KATNBL1: variants seen among roughly 807,000 people sequenced by gnomAD.
KATNBL1 encodes the protein katanin regulatory subunit B1 like 1.
KATNBL1 carries 28 observed loss-of-function variants against 44.7 expected under a neutral mutation model. The ratio of observed to expected loss-of-function variants is 0.63; its 90% CI spans 0.46 to 0.86. The LOEUF (loss-of-function observed/expected upper bound fraction) is 0.86, where lower values mean the gene tolerates loss of function less well. Ranked by LOEUF, KATNBL1 falls within the 40% of genes least tolerant of loss-of-function variation. KATNBL1 has a pLI of 0.00. For synonymous variants in KATNBL1, 78 were observed against 114.9 expected (o/e 0.68, Z 2.06); for missense variants, 272 against 350.7 (o/e 0.78, Z 1.79).
chr15:34,166,300 G>A (rs186115348), intron 1 of KATNBL1, among the ~76,000 whole-genome samples: 3 of 152,320 alleles, frequency 2.0e-5, no homozygotes, highest in Admixed American at 1.3e-4. Context: ...TGCCTGGCTC[G>A]GCAGGTCCCA....
chr15:34,191,940 T>C (rs1364292999), intron 1 of KATNBL1, among the ~76,000 whole-genome samples: 2 of 121,714 alleles, frequency 1.6e-5, no homozygotes, highest in Non-Finnish European at 3.2e-5. Flanking sequence ...GAGCACACAG[T>C]GAGACTCCAT....
chr15:34,205,271 C>A (rs1595370633), intron 1 of KATNBL1, among the ~76,000 whole-genome samples: 2 of 152,322 alleles, frequency 1.3e-5, no homozygotes, highest in East Asian at 3.9e-4. Flanking sequence ...GGATTACAGG[C>A]ATGAGCCACT....
intron 2 of KATNBL1, among the ~76,000 whole-genome samples, chr15:34,160,241 C>T (rs758194232): frequency 8.5e-5 from 13 of 152,146 alleles, no homozygotes; most frequent in African/African-American, 1.2e-4. Flanking sequence ...GCCTGGAGAG[C>T]GGGGGTCTAG....
chr15:34,149,016 G>C (rs1220428312), intron 4 of KATNBL1, among the ~76,000 whole-genome samples: 2 of 152,028 alleles, frequency 1.3e-5, no homozygotes, highest in African/African-American at 4.8e-5. Flanking sequence ...TATAAACTAG[G>C]ACTTAATTTA....
At position 34,141,255 on chromosome 15, in the gene KATNBL1, A is replaced by G. The variant is rs2140888688; in HGVS notation, c.*1084T>C. The G allele has an allele frequency of 6.5e-6, 1 of 152,750 alleles. No homozygotes were observed. Among genetic ancestry groups the G allele is most frequent in the East Asian group, 1.9e-4 (1 of 5,180 alleles). 9.5% of individuals were successfully genotyped at this position (152,750 alleles called of 1,614,324 possible). ...TATCATACTAACCATTAGAGGAGGT[A>G]GTGACACAAAGTGTTGGAATTTAAA... On this transcript the variant is annotated 3_prime_UTR_variant, in exon 10 of 10. Coordinates refer to ENST00000256544, the MANE Select transcript of KATNBL1 (RefSeq NM_024713.3).
chr15:34,168,195 T>C (rs1227046350), intron 1 of KATNBL1, among the ~76,000 whole-genome samples: 3 of 151,966 alleles, frequency 2.0e-5, no homozygotes, highest in Non-Finnish European at 2.9e-5. Context: ...AGGAGACCCA[T>C]CTCACGTGCA....
intron 1 of KATNBL1, among the ~76,000 whole-genome samples, chr15:34,163,968 T>C (rs1384906764): frequency 6.6e-6 from 1 of 152,030 alleles, no homozygotes; most frequent in African/African-American, 2.4e-5. Flanking sequence ...TCTTGGCTCA[T>C]TGCAACCTCC....
Position 34,154,653 on chromosome 15 carries a change from T to A in KATNBL1, c.149A>T (p.Tyr50Phe). 1.3e-6 allele frequency: 2 copies of A among 1,583,008 alleles called. No individual in the cohort carries two copies. Among genetic ancestry groups the A allele is most frequent in the Non-Finnish European group, 1.7e-6 (2 of 1,151,762 alleles). The change falls in exon 3 of 10, where the codon TAC becomes TTC. Residue 50 changes from tyrosine to phenylalanine, a missense_variant. By Grantham distance (22) the Tyr-to-Phe change is conservative. Coordinates refer to ENST00000256544, the MANE Select transcript of KATNBL1 (RefSeq NM_024713.3). ...VKKSPKQLAA[Y>F]INRTVGQTVK... ...TTAAAGAAACTCTTACCTATTTATG[T>A]AAGCAGCCAACTGTTTTGGAGATTT...
intron 1 of KATNBL1, chr15:34,209,573 G>A (rs1430769424): frequency 6.6e-6 from 1 of 152,188 alleles, no homozygotes; most frequent in Non-Finnish European, 1.5e-5. Context: ...CCGGGCCTAG[G>A]CGCTCTGCGG....
At chr15:34,168,872 G>T (rs1009289969) in intron 1 of KATNBL1, among the ~76,000 whole-genome samples, 10 of 152,252 alleles carry the variant, frequency 6.6e-5, no homozygotes, top group African/African-American at 1.9e-4. Flanking sequence ...CAGAAATAAA[G>T]ATGTTTTTTG....
intron 1 of KATNBL1, among the ~76,000 whole-genome samples, chr15:34,170,824 A>G (rs1305041096): frequency 6.6e-6 from 1 of 152,258 alleles, no homozygotes; most frequent in Non-Finnish European, 1.5e-5. Context: ...CCTGACAACA[A>G]GCAATGGGGA....
At chr15:34,192,944 G>A (rs939972172) in intron 1 of KATNBL1, among the ~76,000 whole-genome samples, 3 of 152,126 alleles carry the variant, frequency 2.0e-5, no homozygotes, top group African/African-American at 4.8e-5. Context: ...CTTGCCGGGC[G>A]CGGTGGCTCA....
chr15:34,178,217 CT>C (rs759018578), intron 1 of KATNBL1, among the ~76,000 whole-genome samples: 12 of 152,144 alleles, frequency 7.9e-5, no homozygotes, highest in Non-Finnish European at 1.5e-4. Flanking sequence ...GAATAACCAA[CT>C]TTAAACAGCG....
At chr15:34,194,954 G>C (rs1043391568) in intron 1 of KATNBL1, among the ~76,000 whole-genome samples, 3 of 152,126 alleles carry the variant, frequency 2.0e-5, no homozygotes, top group African/African-American at 7.2e-5. Flanking sequence ...AAAAGTAACA[G>C]ATAACAAGGG....
intron 4 of KATNBL1, among the ~76,000 whole-genome samples, chr15:34,149,908 C>T (rs1888416997): frequency 6.6e-6 from 1 of 152,178 alleles, no homozygotes; most frequent in East Asian, 1.9e-4. Flanking sequence ...ATAGCATATT[C>T]TCTAGTCTTT....
In KATNBL1 at chr15:34,168,068, G is replaced by T. The variant is rs564140887; in HGVS notation, c.-14-4378C>A. 2.9e-3 allele frequency among the ~76,000 whole-genome samples: 436 copies of T among 152,250 alleles called. 1 individual carries two copies. The highest frequency in any genetic ancestry group is 0.015 in the South Asian group (74 of 4,818). On this transcript the variant is annotated intron_variant, in intron 1 of 9. Coordinates refer to ENST00000256544, the MANE Select transcript of KATNBL1 (RefSeq NM_024713.3). The stretch of plus-strand genomic sequence containing the variant: ...TAACTAGCTAGCATCATAATGACAG[G>T]ATCAAATTCATACATAACAGCATTA...
At chr15:34,196,030 A>AG (rs1890020288) in intron 1 of KATNBL1, among the ~76,000 whole-genome samples, 1 of 152,230 alleles carries the variant, frequency 6.6e-6, no homozygotes, top group African/African-American at 2.4e-5. Flanking sequence ...AAAACTGGAA[A>AG]GGGGTAAGCA....
In KATNBL1 at chr15:34,145,243, C is replaced by T. The variant is rs756781134; in HGVS notation, c.882+155G>A. ...GCTTGCTGCCAAGGTCACAGTTACA[C>T]GCAGAGGACCTGAAGCATTTGAAAA... is the stretch of plus-strand genomic sequence containing the variant. On this transcript the variant is annotated intron_variant, in intron 9 of 9. Coordinates refer to ENST00000256544, the MANE Select transcript of KATNBL1 (RefSeq NM_024713.3). The T allele has an allele frequency of 1.4e-4, 193 of 1,405,424 alleles. No homozygotes were observed. In the South Asian group the frequency reaches 2.0e-3, roughly 15 times the overall value. 87.1% of individuals were successfully genotyped at this position (1,405,424 alleles called of 1,614,324 possible).
In KATNBL1 at chr15:34,142,931, C is replaced by T. The variant is rs148272620; in HGVS notation, c.883-560G>A. ...TTCACCATGTTGGCCGGGATGGTCT[C>T]GATCTCCTGAGCTCGTGATCTGCCC... On this transcript the variant is annotated intron_variant, in intron 9 of 9. Transcript: ENST00000256544. The T allele has an allele frequency of 2.8e-3, 1,239 of 447,860 alleles. 14 individuals are homozygous for T. The highest frequency in any genetic ancestry group is 0.024 in the African/African-American group (1,105 of 46,566). The allele number at this position is 447,860 out of a possible 1,614,324, so 27.7% of individuals were successfully genotyped here.
Sources: gnomAD v4.1 joint callset for allele counts (sites outside exome capture counted in the v4.1 genomes callset) on GRCh38, gnomAD v4.1.1 for gene constraint, MANE v1.5 for transcripts, NCBI Gene and HGNC (gene_info 2026-07-23, HGNC 2026-07-21) for gene names.